Variants in STIM1 observed in about 807,000 individuals in gnomAD.
STIM1 encodes stromal interaction molecule 1.
Under a neutral mutation model 74.7 loss-of-function variants are expected in STIM1, and 25 were observed. The ratio of observed to expected loss-of-function variants is 0.33; its 90% confidence interval spans 0.24 to 0.47. The LOEUF is 0.47. Among genes scored for constraint, STIM1 ranks in the 20% least tolerant of loss-of-function variants. The pLI is 1.00. For missense variants in STIM1, 728 were observed against 920.8 expected, an observed-to-expected ratio of 0.79 and a Z score of 2.71; for synonymous variants, 328 against 348.8, an observed-to-expected ratio of 0.94 and a Z score of 0.66.
At position 3,872,390 on chromosome 11, in the gene STIM1, G is replaced by A. The variant is rs114820911; in HGVS notation, c.139+15981G>A. ...TCTTAATGACAACAGGAAAAGTGTG[G>A]CTACACTGGCATTACACCAGTTGGA... On this transcript the variant is annotated intron_variant, in intron 1 of 12. Transcript: ENST00000526596. Among the ~76,000 whole-genome samples, 685 of 152,270 alleles carry A rather than the reference G, an allele frequency of 4.5e-3. 3 individuals are homozygous for A. The highest frequency in any genetic ancestry group is 0.031 in the Middle Eastern group (9 of 294).
chr11:4,082,250 G>A lies in STIM1; in HGVS notation c.1036G>A (p.Ala346Thr), dbSNP rs1565170455. ...TCACAGCTCATGGTATGCTCCAGAGGCCCTTCAGAAGTGGCTGCAGCTGAC... is the reference window on the plus strand; with the variant it reads ...TCACAGCTCATGGTATGCTCCAGAGACCCTTCAGAAGTGGCTGCAGCTGAC... ...ESHSSWYAPE[A>T]LQKWLQLTHE... The change falls in exon 8 of 13, where the codon GCC (alanine) becomes ACC (threonine). Residue 346 changes from alanine to threonine, a missense_variant. This residue lies in a region of STIM1 where 131 missense variants were observed against 235.9 expected (regional missense o/e 0.56). Transcript: ENST00000526596. The A allele has an allele frequency of 1.2e-6, 2 of 1,613,946 alleles. No homozygotes were observed. Among genetic ancestry groups the A allele is most frequent in the African/African-American group, 2.7e-5 (2 of 74,930 alleles).
intron 2 of STIM1, among the ~76,000 whole-genome samples, chr11:3,968,959 C>G (rs1288097843): frequency 6.6e-6 from 1 of 152,188 alleles, no homozygotes; most frequent in Non-Finnish European, 1.5e-5. Flanking sequence ...TTCAGGGACA[C>G]AGTGAATATC....
chr11:4,016,500 G>A (rs2093898391), intron 2 of STIM1, among the ~76,000 whole-genome samples: 1 of 152,200 alleles, frequency 6.6e-6, no homozygotes, highest in Non-Finnish European at 1.5e-5. Context: ...AGGCTACACG[G>A]GTGTCAGGGA....
intron 1 of STIM1, among the ~76,000 whole-genome samples, chr11:3,875,725 C>G (rs1281146558): frequency 2.2e-4 from 30 of 137,342 alleles, no homozygotes; most frequent in Admixed American, 7.3e-4. Flanking sequence ...GACCCTGTCT[C>G]AAAAAAAAAA....
intron 1 of STIM1, among the ~76,000 whole-genome samples, chr11:3,878,305 CACA>C (rs2091373602): frequency 6.6e-6 from 1 of 152,124 alleles, no homozygotes; most frequent in South Asian, 2.1e-4. Context: ...CTTTAATCTT[CACA>C]ACAACTTTGT....
intron 7 of STIM1, among the ~76,000 whole-genome samples, chr11:4,076,087 A>G (rs898204782): frequency 6.6e-6 from 1 of 152,170 alleles, no homozygotes; most frequent in African/African-American, 2.4e-5. Context: ...ATACACATAT[A>G]TATAGAAAAT....
chr11:4,059,210 C>CG, intron 4 of STIM1, 71 bp from the exon 5 acceptor site: 1 of 1,296,080 alleles, frequency 7.7e-7, no homozygotes, highest in East Asian at 2.3e-5. Flanking sequence ...CTGGGGGAGG[C>CG]GGGTAATCCT....
chr11:3,892,739 C>A (rs1180240695), intron 1 of STIM1: 4 of 1,613,076 alleles, frequency 2.5e-6, no homozygotes, highest in South Asian at 2.2e-5. Flanking sequence ...AAAGCAGGAA[C>A]CCTTATAACC....
intron 1 of STIM1, among the ~76,000 whole-genome samples, chr11:3,917,617 TAG>T (rs2092665141): frequency 6.6e-6 from 1 of 152,094 alleles, no homozygotes; most frequent in African/African-American, 2.4e-5. Context: ...GCATTTTTTG[TAG>T]AGACAGGATT....
chr11:4,079,735 C>T (rs1359775352), intron 7 of STIM1, among the ~76,000 whole-genome samples: 1 of 152,138 alleles, frequency 6.6e-6, no homozygotes, highest in African/African-American at 2.4e-5. Context: ...GTTTTTCTCC[C>T]ATGACCTACC....
chr11:3,885,161 T>A (rs7131437), intron 1 of STIM1, among the ~76,000 whole-genome samples: 39,288 of 151,646 alleles, frequency 0.26, 5,772 homozygotes, highest in South Asian at 0.4. Context: ...ATGTGAATTA[T>A]ATTTCAATAT....
intron 2 of STIM1, among the ~76,000 whole-genome samples, chr11:4,016,441 C>CAGAGG (rs1565149442): frequency 6.6e-6 from 1 of 152,160 alleles, no homozygotes; most frequent in East Asian, 1.9e-4. Context: ...GAGGGTCACC[C>CAGAGG]GCCTGTATGA....
intron 2 of STIM1, among the ~76,000 whole-genome samples, chr11:3,994,651 G>A (rs2093646652): frequency 6.6e-6 from 1 of 151,820 alleles, no homozygotes; most frequent in Admixed American, 6.6e-5. Context: ...GTAGAGATGT[G>A]GTTTCGCCAT....
At chr11:3,914,726 T>C (rs2092618076) in intron 1 of STIM1, among the ~76,000 whole-genome samples, 1 of 152,144 alleles carries the variant, frequency 6.6e-6, no homozygotes, top group African/African-American at 2.4e-5. Context: ...AGGCGTGAGC[T>C]ACCGCCCCTG....
intron 1 of STIM1, among the ~76,000 whole-genome samples, chr11:3,933,521 T>C (rs940427018): frequency 2.6e-5 from 4 of 152,210 alleles, no homozygotes; most frequent in African/African-American, 9.6e-5. Flanking sequence ...TGTTTCCCAA[T>C]GTAGTTACAG....
chr11:4,023,089 C>T (rs372940141), intron 2 of STIM1, among the ~76,000 whole-genome samples: 6 of 152,226 alleles, frequency 3.9e-5, no homozygotes, highest in South Asian at 4.1e-4. Flanking sequence ...CTAGCACTTT[C>T]GGAGACCGAG....
chr11:3,982,767 A>G (rs1293839286), intron 2 of STIM1, among the ~76,000 whole-genome samples: 1 of 152,204 alleles, frequency 6.6e-6, no homozygotes, highest in African/African-American at 2.4e-5. Context: ...TACTACAATT[A>G]GTATGTGAAT....
chr11:3,965,465 A>G (rs1332133362), intron 1 of STIM1, among the ~76,000 whole-genome samples: 2 of 152,234 alleles, frequency 1.3e-5, no homozygotes, highest in African/African-American at 4.8e-5. Context: ...AGAACATTCA[A>G]TAAATGTTTA....
At chr11:3,884,031 T>G (rs1261192759) in intron 1 of STIM1, among the ~76,000 whole-genome samples, 1 of 151,952 alleles carries the variant, frequency 6.6e-6, no homozygotes, top group Non-Finnish European at 1.5e-5. Context: ...TAATCATAAG[T>G]GCTAAAAAAC....
Sources: allele counts gnomAD v4.1 joint callset (sites outside exome capture counted in the v4.1 genomes callset), GRCh38; gene constraint gnomAD v4.1.1; regional missense constraint gnomAD v4.1.1; transcripts MANE v1.5; gene names NCBI Gene and HGNC (gene_info 2026-07-23, HGNC 2026-07-21).